Variants in SYNE3 observed in about 807,000 individuals in gnomAD.
The protein encoded by SYNE3 is nesprin-3.
A neutral mutation model predicts 111.2 loss-of-function variants in SYNE3; 100 were observed. The ratio of observed to expected loss-of-function variants is 0.90; its 90% CI spans 0.77 to 1.06. The LOEUF (loss-of-function observed/expected upper bound fraction) is 1.06, where lower values mean the gene tolerates loss of function less well. SYNE3 is among the 50% of genes least tolerant of loss of function. The pLI is 0.00. For missense variants in SYNE3, 1,160 were observed against 1,240.3 expected, an observed-to-expected ratio of 0.94 and a Z score of 0.97; for synonymous variants, 547 against 533.9, an observed-to-expected ratio of 1.02 and a Z score of -0.34.
At chr14:95,510,823 T>C (rs1566692702) in intron 1 of SYNE3, among the ~76,000 whole-genome samples, 1 of 150,810 alleles carries the variant, frequency 6.6e-6, no homozygotes, top group Admixed American at 6.6e-5. Context: ...ATGGGATGGA[T>C]TCTCCCAACT....
rs542482480 is a variant in SYNE3, at chr14:95,445,943, T to C, written c.1598A>G (p.His533Arg). The C allele has an allele frequency of 1.5e-5, 24 of 1,614,010 alleles. No individual in the cohort carries two copies. The highest frequency in any genetic ancestry group is 2.0e-5 in the Non-Finnish European group (24 of 1,180,054). Residue 533 changes from histidine (H) to arginine (R), a missense_variant, in exon 9 of 18, where the codon CAT becomes CGT. Physicochemically the swap from His to Arg is conservative, Grantham distance 29 (BLOSUM62 0). Coordinates refer to ENST00000682763, the MANE Select transcript of SYNE3 (RefSeq NM_152592.6). ...AGSMRDRDLL[H>R]NSLLQRKSKL... ...GCTTTTCCTCTGCAGGAGGCTGTTA[T>C]GCAGCAGGTCTCTGTCCCTCATGGA...
At chr14:95,421,253 G>A (rs1885108280) in intron 17 of SYNE3, among the ~76,000 whole-genome samples, 1 of 152,130 alleles carries the variant, frequency 6.6e-6, no homozygotes, top group East Asian at 1.9e-4. Flanking sequence ...GAGCCCATGG[G>A]GGTGGGGAGG....
intron 1 of SYNE3, among the ~76,000 whole-genome samples, chr14:95,496,442 G>T (rs1315221638): frequency 2.0e-5 from 3 of 152,178 alleles, no homozygotes; most frequent in African/African-American, 7.2e-5. Context: ...AATGTCCTGT[G>T]GGAAGCCCTA....
chr14:95,479,333 G>A (rs779404501), intron 1 of SYNE3, among the ~76,000 whole-genome samples: 194 of 151,654 alleles, frequency 1.3e-3, no homozygotes, highest in Non-Finnish European at 2.1e-3. Flanking sequence ...CCCTAGCCTG[G>A]GTGACAGAGA....
At chr14:95,434,599 G>A (rs1885978839) in intron 15 of SYNE3, among the ~76,000 whole-genome samples, 2 of 152,298 alleles carry the variant, frequency 1.3e-5, no homozygotes, top group Non-Finnish European at 2.9e-5. Flanking sequence ...AGAATGAAAG[G>A]TCCCTACTCG....
rs539482676 is a variant in SYNE3 at position 95,483,200 on chromosome 14, T to G, written c.-14-7365A>C. Among the ~76,000 whole-genome samples, 8 of 152,268 alleles carry G rather than the reference T, an allele frequency of 5.3e-5. No homozygotes were observed. The South Asian group carries it at 1.7e-3, about 32-fold the overall frequency. ...GCCCACTGACATTCTGCTCTGGAAC[T>G]CAGAAGGCGTTGGGATTCAGACCCA... is the stretch of plus-strand genomic sequence containing the variant. On this transcript the variant is annotated intron_variant, in intron 1 of 17. Transcript: ENST00000682763.
At chr14:95,419,452 T>C (rs1044005413) in intron 17 of SYNE3, among the ~76,000 whole-genome samples, 7 of 152,174 alleles carry the variant, frequency 4.6e-5, no homozygotes, top group East Asian at 1.9e-4. Context: ...TACTTATTTA[T>C]AATAATAGTG....
chr14:95,487,242 A>C (rs1889594603), intron 1 of SYNE3, among the ~76,000 whole-genome samples: 1 of 152,186 alleles, frequency 6.6e-6, no homozygotes. Context: ...GTTGCCATTT[A>C]TGACATGTTT....
rs1394050926 is a variant in SYNE3 at position 95,409,082 on chromosome 14, C to T, written c.*8744G>A. 1 of 445,954 alleles carries T rather than the reference C, an allele frequency of 2.2e-6. No homozygotes were observed. The highest frequency in any genetic ancestry group is 2.4e-5 in the Admixed American group (1 of 42,198). The allele number at this position is 445,954 out of a possible 1,614,324, so 27.6% of individuals were successfully genotyped here. ...TGCCCTCCAGCTAACTCACCAGCTG[C>T]CAGAGTGGCAGCAGCCCGCGGCCTG... On this transcript the variant is annotated 3_prime_UTR_variant, in exon 18 of 18. Transcript: ENST00000682763.
chr14:95,418,132 A>G, intron 17 of SYNE3, 106 bp from the exon 18 acceptor site: 7 of 1,128,984 alleles, frequency 6.2e-6, no homozygotes, highest in Non-Finnish European at 9.2e-6. Context: ...CACTGAACTG[A>G]CTGTATGACA....
chr14:95,493,017 A>C (rs1889921677), intron 1 of SYNE3, among the ~76,000 whole-genome samples: 1 of 152,138 alleles, frequency 6.6e-6, no homozygotes, highest in Non-Finnish European at 1.5e-5. Flanking sequence ...TTCCTTAAAA[A>C]TACACCCACC....
intron 15 of SYNE3, among the ~76,000 whole-genome samples, 166 bp downstream of exon 15, chr14:95,436,654 A>C (rs1285556849): frequency 6.6e-6 from 1 of 152,252 alleles, no homozygotes; most frequent in Admixed American, 6.5e-5. Flanking sequence ...TGCCAGAAAA[A>C]GTTCTAAAAT....
intron 11 of SYNE3, 82 bp from the exon 12 acceptor site, chr14:95,440,157 C>A (rs1886336828): frequency 2.0e-6 from 3 of 1,483,026 alleles, no homozygotes; most frequent in Non-Finnish European, 2.7e-6. Flanking sequence ...CCCTGCAGGG[C>A]TCTCACACCC....
At position 95,409,337 on chromosome 14, in the gene SYNE3, C is replaced by T. The variant is rs1903373107; in HGVS notation, c.*8489G>A. 1 of 456,622 alleles carries T rather than the reference C, an allele frequency of 2.2e-6. No individual in the cohort carries two copies. The highest frequency in any genetic ancestry group is 2.3e-5 in the Admixed American group (1 of 42,572). The allele number at this position is 456,622 out of a possible 1,614,324, so 28.3% of individuals were successfully genotyped here. A position where few individuals can be genotyped will look rare whatever the true frequency, so the allele number is the denominator to read the frequency against. ...ATTGCAGGCGCTCGGGGTATGTTTTCTTCCCTCCCTTTCTCATCAGAACAG... is the reference window on the plus strand; with the variant it reads ...ATTGCAGGCGCTCGGGGTATGTTTTTTTCCCTCCCTTTCTCATCAGAACAG... On this transcript the variant is annotated 3_prime_UTR_variant, in exon 18 of 18. Transcript: ENST00000682763.
chr14:95,492,898 A>G (rs1889916430), intron 1 of SYNE3, among the ~76,000 whole-genome samples: 1 of 152,194 alleles, frequency 6.6e-6, no homozygotes, highest in South Asian at 2.1e-4. Context: ...GGTGAATTGT[A>G]TATTATATGA....
chr14:95,418,035 C>T lies in SYNE3; in HGVS notation c.2728-9G>A, dbSNP rs778446310. On this transcript the variant is annotated splice_polypyrimidine_tract_variant and intron_variant, in intron 17 of 17. Transcript: ENST00000682763. ...CCTCGCCACCGCCGAGTCTGCGGAA[C>T]CAACACAGCACAGGTGAGTGGGCTG... The T allele has an allele frequency of 4.4e-6, 7 of 1,606,826 alleles. No homozygotes were observed. The African/African-American group carries it at 9.4e-5, about 21-fold the overall frequency.
intron 6 of SYNE3, among the ~76,000 whole-genome samples, chr14:95,453,247 A>G (rs10134918): frequency 0.21 from 31,546 of 152,066 alleles, 5,683 homozygotes; most frequent in African/African-American, 0.49. Flanking sequence ...GGGATGCATT[A>G]GTCCCTCCCC....
intron 3 of SYNE3, among the ~76,000 whole-genome samples, chr14:95,466,672 A>T (rs1888201755): frequency 6.6e-6 from 1 of 152,068 alleles, no homozygotes; most frequent in South Asian, 2.1e-4. Flanking sequence ...GCACACGCAC[A>T]CCCACTAATT....
chr14:95,468,091 A>G, intron 2 of SYNE3, 124 bp from the exon 3 acceptor site: 1 of 1,161,992 alleles, frequency 8.6e-7, no homozygotes, highest in Non-Finnish European at 1.2e-6. Flanking sequence ...GATTCACATC[A>G]CAGCCCCTGC....
Sources: allele counts gnomAD v4.1 joint callset (sites outside exome capture counted in the v4.1 genomes callset), GRCh38; gene constraint gnomAD v4.1.1; transcripts MANE v1.5; gene names NCBI Gene and HGNC (gene_info 2026-07-23, HGNC 2026-07-21).